Variants in PLPPR1 observed in about 807,000 individuals in gnomAD.
PLPPR1 encodes phospholipid phosphatase related 1, also known as phospholipid phosphatase-related protein type 1.
A neutral mutation model predicts 33.1 loss-of-function variants in PLPPR1; 10 were observed. The ratio of observed to expected loss-of-function variants is 0.30; its 90% CI spans 0.19 to 0.51. The LOEUF is 0.51. Ranked by LOEUF, PLPPR1 falls within the 20% of genes least tolerant of loss-of-function variation. The probability of loss-of-function intolerance (pLI) is 0.97; values close to 1 mark genes in which losing one functional copy is unlikely to be tolerated. For missense variants in PLPPR1, 304 were observed against 408.1 expected (o/e 0.74, Z 2.20); for synonymous variants, 151 against 151.0 (o/e 1.00, Z 0.00).
intron 2 of PLPPR1, among the ~76,000 whole-genome samples, chr9:101,230,640 C>T (rs766826468): frequency 1.3e-5 from 2 of 151,980 alleles, no homozygotes; most frequent in Non-Finnish European, 2.9e-5. Flanking sequence ...TTAGGAGGTC[C>T]ACCTAAGTCT....
intron 1 of PLPPR1, among the ~76,000 whole-genome samples, chr9:101,172,955 T>C (rs1825966255): frequency 6.6e-6 from 1 of 152,068 alleles, no homozygotes; most frequent in African/African-American, 2.4e-5. Flanking sequence ...TATTTCTCAG[T>C]TGTTTCAGGC....
intron 1 of PLPPR1, among the ~76,000 whole-genome samples, chr9:101,113,638 A>ACAAAAAACAAAAAACAAAAAAAC (rs1831084580): frequency 1.3e-5 from 2 of 151,948 alleles, no homozygotes; most frequent in Admixed American, 6.6e-5. Flanking sequence ...AAACAAAAAA[A>ACAAAAAACAAAAAACAAAAAAAC]CAAAAAACAA....
At chr9:101,285,046 C>T (rs1287035317) in intron 3 of PLPPR1, among the ~76,000 whole-genome samples, 1 of 152,166 alleles carries the variant, frequency 6.6e-6, no homozygotes, top group Non-Finnish European at 1.5e-5. Context: ...TGTCACTCCT[C>T]AACAGTAAAG....
At chr9:101,292,125 C>T (rs889024684) in intron 4 of PLPPR1, among the ~76,000 whole-genome samples, 3 of 151,926 alleles carry the variant, frequency 2.0e-5, no homozygotes, top group African/African-American at 4.8e-5. Flanking sequence ...AGCCAAGGCT[C>T]GAGAACTACG....
At chr9:101,241,833 A>G (rs1827475332) in intron 2 of PLPPR1, among the ~76,000 whole-genome samples, 1 of 152,122 alleles carries the variant, frequency 6.6e-6, no homozygotes, top group Non-Finnish European at 1.5e-5. Flanking sequence ...TACCAAATCA[A>G]TCAATCAACA....
At chr9:101,103,236 A>T (rs2118558499) in intron 1 of PLPPR1, among the ~76,000 whole-genome samples, 1 of 125,286 alleles carries the variant, frequency 8.0e-6, no homozygotes, top group East Asian at 2.6e-4. Flanking sequence ...CTATGTCCTG[A>T]ATGGTAATGC....
rs559622880 is a variant in PLPPR1 at position 101,303,294 on chromosome 9, T to C, written c.386-5917T>C. Among the ~76,000 whole-genome samples, 6 of 150,746 alleles carry C rather than the reference T, an allele frequency of 4.0e-5. No individual in the cohort carries two copies. The South Asian group carries it at 1.1e-3, about 27-fold the overall frequency. ...CCACTCTGCCCACAGGTTTTTTTGT[T>C]TGGTTTGGTTTGTTGCTGTTGTTTG... is the stretch of plus-strand genomic sequence containing the variant. On this transcript the variant is annotated intron_variant, in intron 4 of 7. Coordinates refer to ENST00000374874, the MANE Select transcript of PLPPR1 (RefSeq NM_207299.2).
chr9:101,062,091 A>T (rs1431504153), intron 1 of PLPPR1, among the ~76,000 whole-genome samples: 1 of 151,724 alleles, frequency 6.6e-6, no homozygotes, highest in African/African-American at 2.4e-5. Flanking sequence ...TCTAGCTGTC[A>T]ATCAAACTCT....
At chr9:101,201,336 T>C (rs1371103797) in intron 2 of PLPPR1, among the ~76,000 whole-genome samples, 1 of 152,210 alleles carries the variant, frequency 6.6e-6, no homozygotes, top group Non-Finnish European at 1.5e-5. Context: ...TAATTGCAAC[T>C]CTGTACTGTT....
intron 2 of PLPPR1, among the ~76,000 whole-genome samples, chr9:101,251,904 A>G (rs10989458): frequency 0.058 from 8,853 of 152,214 alleles, 380 homozygotes; most frequent in South Asian, 0.22. Flanking sequence ...TCTACCTATG[A>G]TTGAGTGTGT....
intron 1 of PLPPR1, among the ~76,000 whole-genome samples, chr9:101,144,729 A>G (rs777733059): frequency 1.2e-4 from 19 of 152,210 alleles, no homozygotes; most frequent in Non-Finnish European, 2.4e-4. Context: ...GAGAATCTGC[A>G]TTTCTAACAT....
intron 4 of PLPPR1, among the ~76,000 whole-genome samples, chr9:101,294,033 T>C (rs1338858785): frequency 6.6e-6 from 1 of 151,886 alleles, no homozygotes; most frequent in Non-Finnish European, 1.5e-5. Flanking sequence ...TTTGAAAGGA[T>C]CAACAAAATT....
chr9:101,207,803 G>A (rs558003744), intron 2 of PLPPR1, among the ~76,000 whole-genome samples: 1 of 152,264 alleles, frequency 6.6e-6, no homozygotes, highest in East Asian at 1.9e-4. Context: ...GTGCTTCTGG[G>A]GGGACTAGAG....
intron 2 of PLPPR1, among the ~76,000 whole-genome samples, chr9:101,224,375 G>T (rs774293798): frequency 2.0e-5 from 3 of 152,122 alleles, no homozygotes; most frequent in Admixed American, 6.6e-5. Context: ...ACAATTAAAA[G>T]CTTCCATTTT....
At chr9:101,130,523 T>C (rs547172647) in intron 1 of PLPPR1, among the ~76,000 whole-genome samples, 1 of 152,244 alleles carries the variant, frequency 6.6e-6, no homozygotes, top group African/African-American at 2.4e-5. Flanking sequence ...CACTATTAGA[T>C]ACATGTTATT....
intron 5 of PLPPR1, among the ~76,000 whole-genome samples, chr9:101,312,332 C>A (rs1246461237): frequency 6.6e-6 from 1 of 152,176 alleles, no homozygotes; most frequent in Non-Finnish European, 1.5e-5. Context: ...CAACTAGGAA[C>A]TTTTGGGGAC....
chr9:101,086,842 T>C (rs1235606487), intron 1 of PLPPR1, among the ~76,000 whole-genome samples: 1 of 152,118 alleles, frequency 6.6e-6, no homozygotes, highest in African/African-American at 2.4e-5. Flanking sequence ...TGATGACTAA[T>C]CTAAATATTA....
intron 1 of PLPPR1, among the ~76,000 whole-genome samples, chr9:101,161,094 G>A (rs1341650397): frequency 6.6e-6 from 1 of 152,096 alleles, no homozygotes; most frequent in Non-Finnish European, 1.5e-5. Context: ...GATACAAGTG[G>A]GAGGTTCCTA....
rs3824470 is a variant in PLPPR1 at position 101,285,778 on chromosome 9, T to A, written c.253-326T>A. 2.0e-5 allele frequency among the ~76,000 whole-genome samples: 3 copies of A among 152,168 alleles called. No individual in the cohort carries two copies. The East Asian group carries it at 5.8e-4, about 29-fold the overall frequency. On this transcript the variant is annotated intron_variant, in intron 3 of 7. Transcript: ENST00000374874. ...GGCTGTCTGAATCATTCCTCATCAT[T>A]GCTACTCACACAGAAAGTTAAAAAA... is the stretch of plus-strand genomic sequence containing the variant.
Sources: gnomAD v4.1 joint callset for allele counts (sites outside exome capture counted in the v4.1 genomes callset) on GRCh38, gnomAD v4.1.1 for gene constraint, MANE v1.5 for transcripts, NCBI Gene and HGNC (gene_info 2026-07-23, HGNC 2026-07-21) for gene names.